Variants in RANBP2 observed in about 807,000 individuals in gnomAD.
The protein encoded by RANBP2 is E3 SUMO-protein ligase RanBP2.
A neutral mutation model predicts 303.6 loss-of-function variants in RANBP2; 57 were observed. The observed-to-expected ratio is 0.19, with a 90% confidence interval of 0.15 to 0.23. RANBP2 has a LOEUF of 0.23. Ranked by LOEUF, RANBP2 falls within the 10% of genes least tolerant of loss-of-function variation. The pLI is 1.00. For missense variants in RANBP2, 3,138 were observed against 3,780.8 expected, an observed-to-expected ratio of 0.83 and a Z score of 4.46; for synonymous variants, 1,167 against 1,301.5, an observed-to-expected ratio of 0.90 and a Z score of 2.23.
the RANBP2 span, among the ~76,000 whole-genome samples, chr2:109,072,145 T>G: frequency 2.0e-5 from 3 of 152,210 alleles, no homozygotes; most frequent in Admixed American, 6.5e-5. Flanking sequence ...TACTACATAT[T>G]CTTGGGCTTA....
chr2:109,079,060 A>G, the RANBP2 span, among the ~76,000 whole-genome samples: 13 of 152,104 alleles, frequency 8.5e-5, no homozygotes, highest in Non-Finnish European at 7.4e-5. Flanking sequence ...TTCACGATGT[A>G]TATGTACAGT....
At chr2:109,197,183 G>T in the RANBP2 span, among the ~76,000 whole-genome samples, 1 of 152,176 alleles carries the variant, frequency 6.6e-6, no homozygotes, top group African/African-American at 2.4e-5. Flanking sequence ...CCAGGAAGGC[G>T]GTAGTCTTGT....
chr2:109,051,464 C>T, the RANBP2 span, among the ~76,000 whole-genome samples: 10 of 152,180 alleles, frequency 6.6e-5, no homozygotes, highest in Non-Finnish European at 1.2e-4. Flanking sequence ...GGCTTCAAAC[C>T]CCATACTCAC....
intron 7 of RANBP2, among the ~76,000 whole-genome samples, chr2:108,746,233 G>A (rs1024394953): frequency 8.4e-5 from 8 of 95,534 alleles, no homozygotes; most frequent in African/African-American, 3.4e-4. Flanking sequence ...TTTTTTTTGC[G>A]ATGGAGCCTC....
chr2:108,893,869 A>C, the RANBP2 span, among the ~76,000 whole-genome samples: 1 of 152,260 alleles, frequency 6.6e-6, no homozygotes, highest in East Asian at 1.9e-4. Flanking sequence ...TCCTCTAAGA[A>C]CCATTGTCTT....
chr2:109,026,676 G>A, the RANBP2 span, among the ~76,000 whole-genome samples: 1 of 152,180 alleles, frequency 6.6e-6, no homozygotes, highest in Non-Finnish European at 1.5e-5. Flanking sequence ...CACCCTCTAG[G>A]TGGGGAAAAA....
chr2:109,764,478 T>C, the RANBP2 span, among the ~76,000 whole-genome samples: 1 of 149,386 alleles, frequency 6.7e-6, no homozygotes, highest in East Asian at 2.1e-4. Flanking sequence ...ATCTCTTAAG[T>C]AGAAGACCTT....
chr2:109,489,574 G>T, the RANBP2 span, among the ~76,000 whole-genome samples: 1 of 152,326 alleles, frequency 6.6e-6, no homozygotes, highest in Admixed American at 6.5e-5. Context: ...CTTGGCCAGG[G>T]TCCCGTGACA....
At chr2:108,981,663 A>C in the RANBP2 span, among the ~76,000 whole-genome samples, 1 of 152,180 alleles carries the variant, frequency 6.6e-6, no homozygotes, top group Non-Finnish European at 1.5e-5. Context: ...CACCCGAGAT[A>C]GTTATGATAC....
chr2:108,840,009 G>C, the RANBP2 span, among the ~76,000 whole-genome samples: 1 of 151,854 alleles, frequency 6.6e-6, no homozygotes, highest in Non-Finnish European at 1.5e-5. Context: ...TATTTTCATA[G>C]ATACTTTCAA....
At chr2:108,965,143 T>TATTTTTTGAGTGTCC in the RANBP2 span, among the ~76,000 whole-genome samples, 1 of 152,096 alleles carries the variant, frequency 6.6e-6, no homozygotes, top group Non-Finnish European at 1.5e-5. Flanking sequence ...TACTGGTATT[T>TATTTTTTGAGTGTCC]ATTTTTTGAG....
the RANBP2 span, chr2:109,129,527 C>T: frequency 6.7e-6 from 10 of 1,496,488 alleles, no homozygotes; most frequent in Middle Eastern, 4.4e-4. Flanking sequence ...GAGACCGCTG[C>T]GGGCGCCTCC....
chr2:108,735,426 A>C, intron 4 of RANBP2, 106 bp from the exon 5 acceptor site: 1 of 1,592,472 alleles, frequency 6.3e-7, no homozygotes, highest in Non-Finnish European at 8.5e-7. Context: ...TTTTGGTGGC[A>C]TCATCATAAA....
the RANBP2 span, among the ~76,000 whole-genome samples, chr2:108,791,010 C>T: frequency 6.6e-6 from 1 of 152,138 alleles, no homozygotes; most frequent in East Asian, 1.9e-4. Context: ...GATACTCCCA[C>T]TTCGGCCTCC....
the RANBP2 span, among the ~76,000 whole-genome samples, chr2:108,820,649 C>T: frequency 1.4e-5 from 2 of 147,152 alleles, no homozygotes; most frequent in South Asian, 2.1e-4. Context: ...GCAGATTTCT[C>T]AGCAGAAACC....
the RANBP2 span, among the ~76,000 whole-genome samples, chr2:108,810,744 A>C: frequency 6.6e-6 from 1 of 152,186 alleles, no homozygotes; most frequent in East Asian, 1.9e-4. Flanking sequence ...TGTTCTTTAA[A>C]AGTTTTAATT....
chr2:109,081,928 T>C, the RANBP2 span, among the ~76,000 whole-genome samples: 1 of 152,260 alleles, frequency 6.6e-6, no homozygotes, highest in African/African-American at 2.4e-5. Context: ...AAAGTCTGTC[T>C]GGTTCTTCAT....
At chr2:109,319,193 A>G in the RANBP2 span, among the ~76,000 whole-genome samples, 1 of 152,216 alleles carries the variant, frequency 6.6e-6, no homozygotes, top group Non-Finnish European at 1.5e-5. Context: ...GTCGCCCTGT[A>G]TATGCCAGAT....
the RANBP2 span, among the ~76,000 whole-genome samples, chr2:109,332,393 C>A: frequency 1.3e-5 from 2 of 152,170 alleles, no homozygotes; most frequent in African/African-American, 4.8e-5. Context: ...AGCTCTGACA[C>A]TCCCGCGACT....
Sources: gnomAD v4.1 joint callset for allele counts (sites outside exome capture counted in the v4.1 genomes callset) on GRCh38, gnomAD v4.1.1 for gene constraint, MANE v1.5 for transcripts, NCBI Gene and HGNC (gene_info 2026-07-23, HGNC 2026-07-21) for gene names.